Variants in NTRK3 observed in about 807,000 individuals in gnomAD.
The protein encoded by NTRK3 is neurotrophic receptor tyrosine kinase 3.
Under a neutral mutation model 91.7 loss-of-function variants are expected in NTRK3, and 24 were observed. That is an observed-to-expected ratio of 0.26 (90% confidence interval 0.19 to 0.37). The LOEUF (loss-of-function observed/expected upper bound fraction) is 0.37, where lower values mean the gene tolerates loss of function less well. Among genes scored for constraint, NTRK3 ranks in the 10% least tolerant of loss-of-function variants. The pLI, the probability that NTRK3 is intolerant of heterozygous loss-of-function variation, is 1.00. For missense variants in NTRK3, 880 were observed against 1,068.9 expected, an observed-to-expected ratio of 0.82 and a Z score of 2.46; for synonymous variants, 483 against 404.0, an observed-to-expected ratio of 1.20 and a Z score of -2.34.
chr15:88,172,438 A>G (rs573348919), intron 5 of NTRK3, among the ~76,000 whole-genome samples: 1 of 152,354 alleles, frequency 6.6e-6, no homozygotes, highest in South Asian at 2.1e-4. Flanking sequence ...ATAATCAAGG[A>G]TGGAAAACAT....
At chr15:88,248,683 T>A (rs886166282) in intron 3 of NTRK3, among the ~76,000 whole-genome samples, 3 of 151,866 alleles carry the variant, frequency 2.0e-5, no homozygotes, top group Admixed American at 1.3e-4. Context: ...TTCTCTGCAC[T>A]CAGTTTCCCC....
exon 19 of NTRK3, chr15:87,860,548 A>T: frequency 4.9e-6 from 1 of 202,492 alleles, no homozygotes; most frequent in Non-Finnish European, 1.0e-5. Flanking sequence ...CCTCTTCTCC[A>T]AAGGCAAATG....
chr15:87,944,259 A>G (rs150499062), intron 14 of NTRK3, among the ~76,000 whole-genome samples: 178 of 152,336 alleles, frequency 1.2e-3, no homozygotes, highest in Non-Finnish European at 2.2e-3. Flanking sequence ...GGCCAAACAC[A>G]TAAGGCAAAT....
At chr15:88,028,966 G>A (rs1434242380) in intron 14 of NTRK3, among the ~76,000 whole-genome samples, 2 of 152,186 alleles carry the variant, frequency 1.3e-5, no homozygotes, top group Non-Finnish European at 2.9e-5. Context: ...GGTGACAAAG[G>A]TAACTGAGGG....
chr15:88,047,645 G>C lies in NTRK3; in HGVS notation c.1397-14600C>G, dbSNP rs139473272. On this transcript the variant is annotated intron_variant, in intron 13 of 18. Coordinates refer to ENST00000394480, the Ensembl canonical transcript of NTRK3. ...TCATGCATCCATTAACCTAACAATGGTTCAGGTAAGAAATTGAAGCCTGCC... is the reference window on the plus strand; with the variant it reads ...TCATGCATCCATTAACCTAACAATGCTTCAGGTAAGAAATTGAAGCCTGCC... 3.3e-5 allele frequency among the ~76,000 whole-genome samples: 5 copies of C among 152,208 alleles called. No individual in the cohort carries two copies. The East Asian group carries it at 9.6e-4, about 29-fold the overall frequency.
chr15:88,065,656 T>G (rs1028128633), intron 13 of NTRK3, among the ~76,000 whole-genome samples: 9 of 152,314 alleles, frequency 5.9e-5, no homozygotes, highest in Admixed American at 2.6e-4. Context: ...AGCTAGAAAC[T>G]TGATTAGCCA....
chr15:87,993,364 T>TA lies in NTRK3; in HGVS notation c.1585+39492dup, dbSNP rs944915705. Reference sequence around the variant, plus strand: ...CTGGCTCATTCTAAATTTATGGCCCTAAAAAATCAAATAATATAAACCTCT... The same window carrying TA: ...CTGGCTCATTCTAAATTTATGGCCCTAAAAAAATCAAATAATATAAACCTCT... On this transcript the variant is annotated intron_variant, in intron 14 of 18. Transcript: ENST00000394480. Among the ~76,000 whole-genome samples, 8 of 152,294 alleles carry TA rather than the reference T, an allele frequency of 5.3e-5. No individual in the cohort carries two copies. The South Asian group carries it at 1.2e-3, about 24-fold the overall frequency.
chr15:88,193,421 C>T (rs1017885528), intron 3 of NTRK3, among the ~76,000 whole-genome samples: 1 of 152,168 alleles, frequency 6.6e-6, no homozygotes, highest in Non-Finnish European at 1.5e-5. Flanking sequence ...TTGATGTCCA[C>T]TGTCAGGGTC....
At chr15:87,980,422 C>T (rs1227750851) in intron 14 of NTRK3, among the ~76,000 whole-genome samples, 7 of 151,796 alleles carry the variant, frequency 4.6e-5, no homozygotes, top group Admixed American at 1.3e-4. Context: ...TGTTTGTGTG[C>T]ATCTGTATGT....
At chr15:88,171,499 C>T (rs1321157437) in intron 5 of NTRK3, among the ~76,000 whole-genome samples, 1 of 152,188 alleles carries the variant, frequency 6.6e-6, no homozygotes, top group Non-Finnish European at 1.5e-5. Context: ...AACCCAGGGG[C>T]TTCGAGCTTG....
intron 3 of NTRK3, among the ~76,000 whole-genome samples, chr15:88,242,809 C>T (rs1261930274): frequency 6.6e-6 from 1 of 152,248 alleles, no homozygotes; most frequent in African/African-American, 2.4e-5. Context: ...GGCGGCCAGA[C>T]ACCTGGGCAC....
exon 19 of NTRK3, chr15:87,868,650 T>C (rs1188488158): frequency 4.6e-6 from 1 of 219,640 alleles, no homozygotes; most frequent in East Asian, 6.7e-5. Context: ...AAACTTTGGA[T>C]GTAATCAATG....
At chr15:88,181,139 G>T (rs1444680338) in intron 5 of NTRK3, among the ~76,000 whole-genome samples, 1 of 152,030 alleles carries the variant, frequency 6.6e-6, no homozygotes, top group Admixed American at 6.6e-5. Context: ...ATCCTTCTCG[G>T]TAATCACCCT....
intron 14 of NTRK3, among the ~76,000 whole-genome samples, chr15:87,993,226 A>G (rs2075422829): frequency 6.6e-6 from 1 of 152,198 alleles, no homozygotes; most frequent in African/African-American, 2.4e-5. Context: ...GATGAGCAAA[A>G]GACAAAAGTC....
chr15:87,993,628 T>A (rs1489353188), intron 14 of NTRK3, among the ~76,000 whole-genome samples: 1 of 152,130 alleles, frequency 6.6e-6, no homozygotes, highest in African/African-American at 2.4e-5. Flanking sequence ...CCCAAAGGCC[T>A]AGAAAAAGAG....
At chr15:87,921,197 T>C (rs992209710) in intron 17 of NTRK3, among the ~76,000 whole-genome samples, 2 of 152,162 alleles carry the variant, frequency 1.3e-5, no homozygotes, top group African/African-American at 4.8e-5. Flanking sequence ...TTCTCCTCTA[T>C]ATAAATAGGA....
chr15:88,213,832 C>G (rs2049479942), intron 3 of NTRK3, among the ~76,000 whole-genome samples: 1 of 152,162 alleles, frequency 6.6e-6, no homozygotes, highest in Non-Finnish European at 1.5e-5. Flanking sequence ...GTAATCCCAG[C>G]ACTTTGGGAG....
intron 10 of NTRK3, chr15:88,132,013 T>C (rs1443283970): frequency 5.0e-6 from 1 of 201,834 alleles, no homozygotes; most frequent in Admixed American, 6.0e-5. Context: ...AGACCATAAC[T>C]CTTCAAGAAG....
intron 14 of NTRK3, among the ~76,000 whole-genome samples, chr15:87,965,269 C>A (rs559465399): frequency 5.3e-5 from 8 of 152,146 alleles, no homozygotes; most frequent in Non-Finnish European, 8.8e-5. Flanking sequence ...ATATAAATTA[C>A]CTTTGTAATC....
Sources: gnomAD v4.1 joint callset for allele counts (sites outside exome capture counted in the v4.1 genomes callset) on GRCh38, gnomAD v4.1.1 for gene constraint, MANE v1.5 for transcripts, NCBI Gene and HGNC (gene_info 2026-07-23, HGNC 2026-07-21) for gene names.